UGT8: variants seen among roughly 807,000 people sequenced by gnomAD.
UGT8 encodes 2-hydroxyacylsphingosine 1-beta-galactosyltransferase.
UGT8 carries 12 observed loss-of-function variants against 40.5 expected under a neutral mutation model. The observed-to-expected ratio is 0.30, with a 90% CI of 0.19 to 0.48. The LOEUF is 0.48. UGT8 is among the 20% of genes least tolerant of loss of function. The pLI, the probability that UGT8 is intolerant of heterozygous loss-of-function variation, is 0.99. For synonymous variants in UGT8, 224 were observed against 240.4 expected, an observed-to-expected ratio of 0.93 and a Z score of 0.63; for missense variants, 513 against 648.7, an observed-to-expected ratio of 0.79 and a Z score of 2.27.
intron 1 of UGT8, among the ~76,000 whole-genome samples, chr4:114,620,286 TAC>T (rs1174724952): frequency 1.3e-5 from 2 of 152,202 alleles, no homozygotes; most frequent in Non-Finnish European, 1.5e-5. Context: ...CATCATCAAG[TAC>T]TCACCTCTCG....
intron 2 of UGT8, chr4:114,663,698 G>A: frequency 3.0e-6 from 3 of 984,954 alleles, no homozygotes; most frequent in Non-Finnish European, 3.6e-6. Flanking sequence ...TGCATCAGTT[G>A]TCATTTCCAA....
chr4:114,660,019 G>A (rs1734418617), intron 2 of UGT8, among the ~76,000 whole-genome samples: 1 of 152,126 alleles, frequency 6.6e-6, no homozygotes, highest in Non-Finnish European at 1.5e-5. Flanking sequence ...AAAGATGGAT[G>A]TCACTGTTAC....
intron 1 of UGT8, among the ~76,000 whole-genome samples, chr4:114,607,403 G>C (rs1730799875): frequency 6.6e-6 from 1 of 151,992 alleles, no homozygotes; most frequent in African/African-American, 2.4e-5. Context: ...CTTCTTCCCT[G>C]CTCCTTGAGA....
chr4:114,645,402 C>A (rs1733508935), intron 2 of UGT8, among the ~76,000 whole-genome samples: 1 of 152,136 alleles, frequency 6.6e-6, no homozygotes, highest in African/African-American at 2.4e-5. Context: ...TGAGTAATAT[C>A]ATTCAAGTCG....
intron 2 of UGT8, among the ~76,000 whole-genome samples, chr4:114,628,696 G>A (rs1472932200): frequency 6.7e-6 from 1 of 148,586 alleles, no homozygotes; most frequent in Non-Finnish European, 1.5e-5. Flanking sequence ...GGCATCTTAA[G>A]TTCACCAGTT....
At chr4:114,618,158 A>G (rs2126094220) in intron 1 of UGT8, among the ~76,000 whole-genome samples, 1 of 152,294 alleles carries the variant, frequency 6.6e-6, no homozygotes, top group Non-Finnish European at 1.5e-5. Flanking sequence ...ATAATTTTCC[A>G]TGATAAAAAT....
chr4:114,600,042 G>A (rs959072720), intron 1 of UGT8, among the ~76,000 whole-genome samples: 2 of 152,152 alleles, frequency 1.3e-5, no homozygotes, highest in African/African-American at 4.8e-5. Context: ...GCGGGGAGAG[G>A]AGAGAAGGTA....
At position 114,622,984 on chromosome 4, in the gene UGT8, T is replaced by C; in HGVS notation, c.104T>C (p.Met35Thr). The C allele has an allele frequency of 6.2e-7, 1 of 1,614,048 alleles. No homozygotes were observed. The highest frequency in any genetic ancestry group is 8.5e-7 in the Non-Finnish European group (1 of 1,179,996). ...CCGCCAATTATGTTTGAAAGCCATA[T>C]GTACATTTTCAAGACGCTAGCCTCA... ...IVPPIMFESH[M>T]YIFKTLASAL... Residue 35 changes from methionine to threonine, a missense_variant, in exon 2 of 6, where the codon ATG becomes ACG. This residue lies in a region of UGT8 where 335 missense variants were observed against 444.8 expected (regional missense o/e 0.75). Coordinates refer to ENST00000310836, the MANE Select transcript of UGT8 (RefSeq NM_001128174.3).
At chr4:114,609,760 T>C (rs924446670) in intron 1 of UGT8, among the ~76,000 whole-genome samples, 2 of 152,138 alleles carry the variant, frequency 1.3e-5, no homozygotes, top group Non-Finnish European at 2.9e-5. Context: ...TGATGTAGCT[T>C]ATTTTGATAC....
intron 2 of UGT8, among the ~76,000 whole-genome samples, chr4:114,638,697 G>A (rs1261118894): frequency 2.0e-5 from 3 of 152,184 alleles, no homozygotes; most frequent in African/African-American, 7.2e-5. Flanking sequence ...CTTTGGTTAT[G>A]CTGAATGTTC....
intron 1 of UGT8, among the ~76,000 whole-genome samples, chr4:114,603,525 C>G (rs142230964): frequency 9.6e-4 from 146 of 152,090 alleles, no homozygotes; most frequent in African/African-American, 3.1e-3. Flanking sequence ...AGGTACAGAA[C>G]AAGAGAGGCA....
At chr4:114,611,445 T>TATATATACAC (rs1427117348) in intron 1 of UGT8, among the ~76,000 whole-genome samples, 2 of 104,770 alleles carry the variant, frequency 1.9e-5, no homozygotes, top group African/African-American at 1.0e-4. Flanking sequence ...TATATATATA[T>TATATATACAC]ACACACACAC....
At chr4:114,631,673 G>A (rs1324453755) in intron 2 of UGT8, among the ~76,000 whole-genome samples, 2 of 152,158 alleles carry the variant, frequency 1.3e-5, no homozygotes, top group African/African-American at 4.8e-5. Flanking sequence ...TGGTCATGCT[G>A]ATACTGTTGG....
intron 1 of UGT8, among the ~76,000 whole-genome samples, chr4:114,619,193 C>T (rs2126094935): frequency 6.6e-6 from 1 of 152,094 alleles, no homozygotes; most frequent in East Asian, 1.9e-4. Context: ...CTATTTATAA[C>T]ATGGGAAGGA....
chr4:114,621,161 T>C (rs1731763837), intron 1 of UGT8, among the ~76,000 whole-genome samples: 1 of 152,146 alleles, frequency 6.6e-6, no homozygotes, highest in South Asian at 2.1e-4. Context: ...CATGAAAAGG[T>C]AGGAGAAGTA....
At chr4:114,664,563 G>T (rs1029899318) in intron 3 of UGT8, among the ~76,000 whole-genome samples, 1 of 152,006 alleles carries the variant, frequency 6.6e-6, no homozygotes, top group African/African-American at 2.4e-5. Context: ...GACTCTTTTG[G>T]GCTCCCACTT....
chr4:114,660,102 A>G (rs1734423807), intron 2 of UGT8, among the ~76,000 whole-genome samples: 1 of 152,204 alleles, frequency 6.6e-6, no homozygotes, highest in Non-Finnish European at 1.5e-5. Context: ...AAAATTATGA[A>G]AAGAAAATAT....
At chr4:114,639,789 A>G (rs907950597) in intron 2 of UGT8, among the ~76,000 whole-genome samples, 1 of 152,224 alleles carries the variant, frequency 6.6e-6, no homozygotes, top group African/African-American at 2.4e-5. Context: ...AATTGTGTTA[A>G]GTACTTGGCA....
chr4:114,641,952 T>C (rs1733249124), intron 2 of UGT8, among the ~76,000 whole-genome samples: 1 of 152,214 alleles, frequency 6.6e-6, no homozygotes, highest in Non-Finnish European at 1.5e-5. Flanking sequence ...TTTGAGATGT[T>C]ACAAGATGAC....
Sources: gnomAD v4.1 joint callset for allele counts (sites outside exome capture counted in the v4.1 genomes callset) on GRCh38, gnomAD v4.1.1 for gene constraint, gnomAD v4.1.1 regional missense constraint, MANE v1.5 for transcripts, NCBI Gene and HGNC (gene_info 2026-07-23, HGNC 2026-07-21) for gene names.